The following KCTD8 variants were observed in gnomAD, a reference collection of about 807,000 sequenced individuals.
KCTD8 encodes the protein BTB/POZ domain-containing protein KCTD8.
A neutral mutation model predicts 31.5 loss-of-function variants in KCTD8; 27 were observed. That is an observed-to-expected ratio of 0.86 (90% CI 0.63 to 1.18). The LOEUF (loss-of-function observed/expected upper bound fraction) is 1.18. KCTD8 is among the 50% of genes most tolerant of loss of function. The pLI, the probability that KCTD8 is intolerant of heterozygous loss-of-function variation, is 0.00. For missense variants in KCTD8, 658 were observed against 647.7 expected (o/e 1.02, Z -0.17); for synonymous variants, 290 against 280.0 (o/e 1.04, Z -0.36).
At chr4:44,331,331 G>A (rs181519358) in intron 1 of KCTD8, among the ~76,000 whole-genome samples, 14 of 151,844 alleles carry the variant, frequency 9.2e-5, no homozygotes, top group Admixed American at 7.9e-4. Context: ...CCAGTGTTGA[G>A]AGCATTTTAA....
intron 1 of KCTD8, among the ~76,000 whole-genome samples, chr4:44,193,806 G>A (rs188065999): frequency 6.6e-6 from 1 of 152,212 alleles, no homozygotes; most frequent in East Asian, 1.9e-4. Flanking sequence ...CTGTTAGGTT[G>A]CAATATCCTC....
At chr4:44,202,891 A>G (rs1702438568) in intron 1 of KCTD8, among the ~76,000 whole-genome samples, 1 of 152,222 alleles carries the variant, frequency 6.6e-6, no homozygotes, top group African/African-American at 2.4e-5. Context: ...CTTTAGTTAG[A>G]GCAGTATTAA....
intron 1 of KCTD8, among the ~76,000 whole-genome samples, chr4:44,238,947 T>C (rs537376279): frequency 6.6e-6 from 1 of 152,230 alleles, no homozygotes. Context: ...TAAAATAAAA[T>C]CATAAGATGC....
chr4:44,388,663 T>A (rs1720287540), intron 1 of KCTD8, among the ~76,000 whole-genome samples: 1 of 151,544 alleles, frequency 6.6e-6, no homozygotes, highest in Admixed American at 6.6e-5. Flanking sequence ...TGAAAACACA[T>A]GCACACATAG....
At chr4:44,394,026 C>T (rs1246539611) in intron 1 of KCTD8, among the ~76,000 whole-genome samples, 1 of 151,980 alleles carries the variant, frequency 6.6e-6, no homozygotes, top group Non-Finnish European at 1.5e-5. Context: ...TATAAGCATT[C>T]ATTCTGTGTG....
intron 1 of KCTD8, among the ~76,000 whole-genome samples, chr4:44,388,668 A>T (rs937186873): frequency 6.6e-6 from 1 of 151,776 alleles, no homozygotes; most frequent in Non-Finnish European, 1.5e-5. Flanking sequence ...ACACATGCAC[A>T]CATAGAGGAA....
chr4:44,188,877 C>G (rs1406419973), intron 1 of KCTD8, among the ~76,000 whole-genome samples: 1 of 152,118 alleles, frequency 6.6e-6, no homozygotes, highest in East Asian at 1.9e-4. Flanking sequence ...TTAATTTTAG[C>G]CTAGTGAAAC....
chr4:44,299,700 C>G (rs552303790), intron 1 of KCTD8, among the ~76,000 whole-genome samples: 221 of 151,406 alleles, frequency 1.5e-3, no homozygotes, highest in African/African-American at 4.8e-3. Flanking sequence ...TGCACTCCAA[C>G]CTGGCAACAG....
intron 1 of KCTD8, among the ~76,000 whole-genome samples, chr4:44,394,167 C>T (rs985847138): frequency 2.0e-5 from 3 of 151,910 alleles, no homozygotes; most frequent in Non-Finnish European, 4.4e-5. Context: ...TGATTCAGAA[C>T]AAAAAATATA....
At chr4:44,270,592 CA>C (rs1409158784) in intron 1 of KCTD8, among the ~76,000 whole-genome samples, 17 of 151,824 alleles carry the variant, frequency 1.1e-4, no homozygotes, top group Non-Finnish European at 2.5e-4. Context: ...TAGAAATTTT[CA>C]TGTATATTTA....
intron 1 of KCTD8, among the ~76,000 whole-genome samples, chr4:44,199,667 G>C (rs1206211048): frequency 5.3e-5 from 8 of 152,016 alleles, no homozygotes; most frequent in African/African-American, 1.4e-4. Flanking sequence ...TAAGATGAAA[G>C]TTTATAGTAT....
chr4:44,348,125 A>G (rs1719081911), intron 1 of KCTD8, among the ~76,000 whole-genome samples: 1 of 152,228 alleles, frequency 6.6e-6, no homozygotes, highest in African/African-American at 2.4e-5. Context: ...GACCATAATT[A>G]AAATGACTGT....
intron 1 of KCTD8, among the ~76,000 whole-genome samples, chr4:44,403,339 A>C (rs1222340632): frequency 6.6e-6 from 1 of 152,106 alleles, no homozygotes; most frequent in Non-Finnish European, 1.5e-5. Flanking sequence ...GGAATGGCTA[A>C]ATTATCTACT....
At chr4:44,374,941 T>A (rs2109438833) in intron 1 of KCTD8, among the ~76,000 whole-genome samples, 1 of 151,898 alleles carries the variant, frequency 6.6e-6, no homozygotes, top group East Asian at 1.9e-4. Context: ...TGTCAGAAAA[T>A]GATGCTAAGA....
chr4:44,421,388 C>A (rs997792676), intron 1 of KCTD8, among the ~76,000 whole-genome samples: 2 of 151,842 alleles, frequency 1.3e-5, no homozygotes, highest in African/African-American at 4.8e-5. Context: ...TTTAAACATG[C>A]GTAAGTATCA....
chr4:44,221,425 C>A (rs1329116178), intron 1 of KCTD8, among the ~76,000 whole-genome samples: 1 of 151,508 alleles, frequency 6.6e-6, no homozygotes, highest in African/African-American at 2.4e-5. Context: ...TCTAGAGGGA[C>A]GGGACTAATA....
At chr4:44,307,461 A>C (rs915145932) in intron 1 of KCTD8, among the ~76,000 whole-genome samples, 4 of 152,008 alleles carry the variant, frequency 2.6e-5, no homozygotes, top group African/African-American at 7.2e-5. Flanking sequence ...TTTCAAGAGG[A>C]ATGTCATTTC....
intron 1 of KCTD8, among the ~76,000 whole-genome samples, chr4:44,188,983 T>C (rs1379815857): frequency 6.6e-6 from 1 of 152,160 alleles, no homozygotes; most frequent in Non-Finnish European, 1.5e-5. Flanking sequence ...TAGAAACAAA[T>C]ACAAGTGATT....
At chr4:44,423,587 A>C (rs1222689329) in intron 1 of KCTD8, among the ~76,000 whole-genome samples, 1 of 152,078 alleles carries the variant, frequency 6.6e-6, no homozygotes, top group African/African-American at 2.4e-5. Flanking sequence ...AGAGACAGTA[A>C]ATTCATCTCC....
Sources: gnomAD v4.1 joint callset for allele counts (sites outside exome capture counted in the v4.1 genomes callset) on GRCh38, gnomAD v4.1.1 for gene constraint, MANE v1.5 for transcripts, NCBI Gene and HGNC (gene_info 2026-07-23, HGNC 2026-07-21) for gene names.